Variants in FNIP2 observed in about 807,000 individuals in gnomAD.
The protein encoded by FNIP2 is folliculin interacting protein 2.
In FNIP2, 32 loss-of-function variants were observed where a neutral mutation model predicts 108.7. The ratio of observed to expected loss-of-function variants is 0.29; its 90% CI spans 0.22 to 0.40. The LOEUF (loss-of-function observed/expected upper bound fraction) is 0.40. FNIP2 is among the 10% of genes least tolerant of loss of function. FNIP2 has a pLI of 1.00. For missense variants in FNIP2, 1,202 were observed against 1,381.6 expected (o/e 0.87, Z 2.06); for synonymous variants, 480 against 496.7 (o/e 0.97, Z 0.45).
intron 8 of FNIP2, among the ~76,000 whole-genome samples, chr4:158,855,298 CA>C (rs1387668152): frequency 6.6e-6 from 1 of 152,140 alleles, no homozygotes; most frequent in Admixed American, 6.5e-5. Context: ...ATGGTAATCA[CA>C]GAACATTAAA....
At chr4:158,776,698 G>T (rs1174354825) in intron 1 of FNIP2, among the ~76,000 whole-genome samples, 1 of 152,198 alleles carries the variant, frequency 6.6e-6, no homozygotes, top group Non-Finnish European at 1.5e-5. Flanking sequence ...TTACAGCATG[G>T]CTGTGAGAGT....
chr4:158,842,773 G>C (rs918692010), intron 7 of FNIP2, among the ~76,000 whole-genome samples: 4 of 151,972 alleles, frequency 2.6e-5, no homozygotes, highest in Non-Finnish European at 5.9e-5. Context: ...AATCAAGGTG[G>C]TAAGAACATT....
chr4:158,779,656 A>G (rs1365325599), intron 1 of FNIP2, among the ~76,000 whole-genome samples: 1 of 149,174 alleles, frequency 6.7e-6, no homozygotes, highest in African/African-American at 2.5e-5. Flanking sequence ...TGTAGCCTCA[A>G]CCTCCCGGGC....
intron 16 of FNIP2, among the ~76,000 whole-genome samples, chr4:158,897,201 A>C (rs556591178): frequency 6.6e-6 from 1 of 152,306 alleles, no homozygotes; most frequent in African/African-American, 2.4e-5. Context: ...ATAGTATTCC[A>C]TGGTGTATAT....
intron 1 of FNIP2, among the ~76,000 whole-genome samples, chr4:158,812,479 G>C (rs961013425): frequency 6.6e-6 from 1 of 152,110 alleles, no homozygotes; most frequent in Non-Finnish European, 1.5e-5. Context: ...GACTGTAACA[G>C]ACAAAAGTGA....
chr4:158,872,656 C>T, intron 14 of FNIP2: 1 of 984,724 alleles, frequency 1.0e-6, no homozygotes, highest in Non-Finnish European at 1.2e-6. Flanking sequence ...TTTCTAATTT[C>T]ACTTGACACA....
At chr4:158,894,619 GAATATTATTTTT>G (rs1364632224) in intron 15 of FNIP2, among the ~76,000 whole-genome samples, 2 of 152,072 alleles carry the variant, frequency 1.3e-5, no homozygotes, top group Non-Finnish European at 2.9e-5. Context: ...AATGTAATAT[GAATATTATTTTT>G]AATATTTTGT....
At chr4:158,882,633 T>TC (rs1235745767) in intron 14 of FNIP2, among the ~76,000 whole-genome samples, 1 of 152,244 alleles carries the variant, frequency 6.6e-6, no homozygotes, top group Non-Finnish European at 1.5e-5. Flanking sequence ...TATAGGAGAC[T>TC]CCATTTTGTT....
chr4:158,867,173 AC>A (rs1246349005), intron 12 of FNIP2, among the ~76,000 whole-genome samples: 11 of 152,110 alleles, frequency 7.2e-5, no homozygotes, highest in African/African-American at 2.7e-4. Flanking sequence ...AATGGGACAT[AC>A]TTTTTTCCAG....
intron 7 of FNIP2, among the ~76,000 whole-genome samples, chr4:158,837,911 C>T (rs1236262480): frequency 1.3e-5 from 2 of 152,198 alleles, no homozygotes; most frequent in Non-Finnish European, 2.9e-5. Context: ...TTTGCTCTCC[C>T]TGCTATCCTG....
chr4:158,833,502 CT>C (rs773233685), intron 5 of FNIP2, 25 bp from the exon 6 acceptor site: 13 of 1,479,506 alleles, frequency 8.8e-6, no homozygotes, highest in South Asian at 3.8e-5. Context: ...CCTCTTTCTC[CT>C]TTTCCCCCCC....
intron 1 of FNIP2, among the ~76,000 whole-genome samples, chr4:158,793,711 G>A (rs1257468566): frequency 6.6e-6 from 1 of 152,146 alleles, no homozygotes; most frequent in Non-Finnish European, 1.5e-5. Context: ...GTTTGCATGG[G>A]GGTTGTGGAG....
At chr4:158,805,093 C>T (rs1009862826) in intron 1 of FNIP2, among the ~76,000 whole-genome samples, 3 of 152,090 alleles carry the variant, frequency 2.0e-5, no homozygotes, top group Non-Finnish European at 4.4e-5. Context: ...GTGTGGATAC[C>T]GTACATTAAA....
At chr4:158,873,502 C>A (rs1781082351) in intron 14 of FNIP2, among the ~76,000 whole-genome samples, 1 of 152,140 alleles carries the variant, frequency 6.6e-6, no homozygotes, top group Admixed American at 6.5e-5. Flanking sequence ...GGCCACTGTA[C>A]CTGGCTCTAA....
chr4:158,826,970 T>C (rs1388695082), intron 2 of FNIP2, among the ~76,000 whole-genome samples: 1 of 152,244 alleles, frequency 6.6e-6, no homozygotes, highest in African/African-American at 2.4e-5. Flanking sequence ...CTTTGTCTCA[T>C]CAGGGCCAAG....
intron 12 of FNIP2, among the ~76,000 whole-genome samples, chr4:158,867,271 C>T: frequency 6.6e-6 from 1 of 152,204 alleles, no homozygotes; most frequent in Middle Eastern, 3.2e-3. Context: ...CAGCTCACTG[C>T]AACCTCTGGC....
At chr4:158,778,852 G>T (rs1490653518) in intron 1 of FNIP2, among the ~76,000 whole-genome samples, 3 of 152,206 alleles carry the variant, frequency 2.0e-5, no homozygotes, top group South Asian at 2.1e-4. Context: ...GTTAGAAATG[G>T]TGAACTTCCT....
In FNIP2 at chr4:158,867,381, C is replaced by T. The variant is rs562743941; in HGVS notation, c.1466-721C>T. Among the ~76,000 whole-genome samples the T allele has an allele frequency of 5.3e-5, 8 of 152,182 alleles. No individual in the cohort carries two copies. The East Asian group carries it at 1.5e-3, about 29-fold the overall frequency. ...CTAATTTTTGTATTTTGGGTAGAGA[C>T]GGGGTTTTGCCATGTTGGCCAGGCT... On this transcript the variant is annotated intron_variant, in intron 12 of 16. Coordinates refer to ENST00000264433, the MANE Select transcript of FNIP2 (RefSeq NM_020840.3).
rs1291326113 is a variant in FNIP2 at position 158,835,408 on chromosome 4, A to G, written c.659A>G (p.His220Arg). 6 of 1,612,118 alleles carry G rather than the reference A, an allele frequency of 3.7e-6. No individual in the cohort carries two copies. The highest frequency in any genetic ancestry group is 5.1e-6 in the Non-Finnish European group (6 of 1,178,832). The change falls in exon 7 of 17, where the codon CAC (histidine) becomes CGC (arginine). Residue 220 changes from histidine to arginine, a missense_variant. His to Arg is a conservative substitution (Grantham distance 29, BLOSUM62 0). This residue lies in a region of FNIP2 where 878 missense variants were observed against 990.3 expected (regional missense o/e 0.89). Coordinates refer to ENST00000264433, the MANE Select transcript of FNIP2 (RefSeq NM_020840.3). ...TTTTCTTGTTCCTTTATCTTAGCAC[A>G]CAGCACACCAGTTGATATGCCAAGC... ...GPCRTGSNLA[H>R]STPVDMPSRG...
Sources: allele counts gnomAD v4.1 joint callset (sites outside exome capture counted in the v4.1 genomes callset), GRCh38; gene constraint gnomAD v4.1.1; regional missense constraint gnomAD v4.1.1; transcripts MANE v1.5; gene names NCBI Gene and HGNC (gene_info 2026-07-23, HGNC 2026-07-21).